CALN1: variants seen among roughly 807,000 people sequenced by gnomAD.
CALN1 encodes calneuron 1, also known as calcium-binding protein 8.
In CALN1, 17 loss-of-function variants were observed where a neutral mutation model predicts 30.6. That is an observed-to-expected ratio of 0.56 (90% CI 0.38 to 0.83). The LOEUF is 0.83. CALN1 is among the 40% of genes least tolerant of loss of function. CALN1 has a pLI of 0.00. For missense variants in CALN1, 291 were observed against 354.9 expected (o/e 0.82, Z 1.45); for synonymous variants, 156 against 131.4 (o/e 1.19, Z -1.28).
At chr7:71,843,354 C>T (rs1337621384) in intron 5 of CALN1, among the ~76,000 whole-genome samples, 2 of 152,090 alleles carry the variant, frequency 1.3e-5, no homozygotes, top group Non-Finnish European at 2.9e-5. Context: ...CATGGGAGCT[C>T]ATGCCTGTAA....
intron 3 of CALN1, among the ~76,000 whole-genome samples, chr7:72,108,533 T>C (rs1045275074): frequency 2.0e-5 from 3 of 152,218 alleles, no homozygotes; most frequent in East Asian, 1.9e-4. Flanking sequence ...TAATCTGCCA[T>C]GTTGACTTCT....
At chr7:71,918,642 C>A (rs185072519) in intron 5 of CALN1, among the ~76,000 whole-genome samples, 8 of 152,222 alleles carry the variant, frequency 5.3e-5, no homozygotes, top group African/African-American at 1.9e-4. Context: ...AAGCAAAGAC[C>A]CCCTTCATCT....
chr7:71,880,493 T>C (rs936753048), intron 5 of CALN1, among the ~76,000 whole-genome samples: 5 of 152,170 alleles, frequency 3.3e-5, no homozygotes, highest in Non-Finnish European at 4.4e-5. Flanking sequence ...TTGCCTTTTC[T>C]TTCCCCCTTC....
At chr7:72,338,523 G>C (rs890963255) in intron 2 of CALN1, among the ~76,000 whole-genome samples, 14 of 146,196 alleles carry the variant, frequency 9.6e-5, no homozygotes, top group African/African-American at 2.9e-4. Context: ...GTGTGTGTGT[G>C]TGTGTCTCAC....
chr7:71,850,985 G>T (rs1156648801), intron 5 of CALN1, among the ~76,000 whole-genome samples: 3 of 152,078 alleles, frequency 2.0e-5, no homozygotes, highest in African/African-American at 7.2e-5. Flanking sequence ...GACTAAGGTG[G>T]GAGGATTGCT....
chr7:72,418,183 GTTTC>G (rs1807484771), intron 1 of CALN1, among the ~76,000 whole-genome samples: 2 of 150,156 alleles, frequency 1.3e-5, no homozygotes, highest in Non-Finnish European at 2.9e-5. Flanking sequence ...TGTACCCAAT[GTTTC>G]TTTCCCACTT....
chr7:72,492,081 C>T, the CALN1 span, among the ~76,000 whole-genome samples: 1 of 152,158 alleles, frequency 6.6e-6, no homozygotes. Context: ...GATCAGGCAC[C>T]TAGGCTAGGC....
intron 3 of CALN1, among the ~76,000 whole-genome samples, chr7:72,267,962 G>A (rs138022610): frequency 0.032 from 4,848 of 152,204 alleles, 245 homozygotes; most frequent in African/African-American, 0.11. Context: ...AGCTATGATC[G>A]TGCCACTGCA....
At chr7:71,878,134 A>G (rs945490481) in intron 5 of CALN1, among the ~76,000 whole-genome samples, 2 of 152,226 alleles carry the variant, frequency 1.3e-5, no homozygotes, top group African/African-American at 2.4e-5. Context: ...AAACCAGTAG[A>G]CTAGACTAGA....
chr7:71,801,180 A>G (rs1478499781), intron 6 of CALN1, among the ~76,000 whole-genome samples: 2 of 152,070 alleles, frequency 1.3e-5, no homozygotes, highest in African/African-American at 4.8e-5. Flanking sequence ...TCCATGGTGT[A>G]TATGTACCAC....
chr7:72,109,134 G>T (rs1357902271), intron 3 of CALN1, among the ~76,000 whole-genome samples: 2 of 152,162 alleles, frequency 1.3e-5, no homozygotes, highest in African/African-American at 4.8e-5. Context: ...GGGATGATGA[G>T]TCTGAATGGG....
chr7:71,830,709 G>A (rs973520769), intron 5 of CALN1, among the ~76,000 whole-genome samples: 4 of 152,298 alleles, frequency 2.6e-5, no homozygotes, highest in Middle Eastern at 3.4e-3. Context: ...TTCTTACTCA[G>A]ATACCATCAC....
At position 72,249,647 on chromosome 7, in the gene CALN1, C is replaced by A. The variant is rs1341723654; in HGVS notation, c.244+29039G>T. On this transcript the variant is annotated intron_variant, in intron 3 of 6. Coordinates refer to ENST00000395275, the MANE Select transcript of CALN1 (RefSeq NM_031468.4). ...CAAAACCCTGTCTCTACAAAAAATA[C>A]AAAAATTAGCTGGGTGTGGTGGCAG... 2.0e-5 allele frequency among the ~76,000 whole-genome samples: 3 copies of A among 152,220 alleles called. No individual in the cohort carries two copies. In the East Asian group the frequency reaches 5.8e-4, roughly 29 times the overall value.
chr7:72,318,237 T>G (rs981306609), intron 2 of CALN1, among the ~76,000 whole-genome samples: 1 of 152,172 alleles, frequency 6.6e-6, no homozygotes, highest in African/African-American at 2.4e-5. Context: ...ACACCTTGAT[T>G]TTACGTTATT....
intron 2 of CALN1, among the ~76,000 whole-genome samples, chr7:72,303,776 G>A (rs1057025323): frequency 6.6e-6 from 1 of 151,918 alleles, no homozygotes; most frequent in African/African-American, 2.4e-5. Flanking sequence ...TTGGGAGGCC[G>A]AGGCAGGAGG....
intron 5 of CALN1, among the ~76,000 whole-genome samples, chr7:71,958,432 G>A (rs923228977): frequency 2.0e-5 from 3 of 152,114 alleles, no homozygotes; most frequent in African/African-American, 7.2e-5. Flanking sequence ...AGACAACTCA[G>A]GGAGGCCCCT....
intron 2 of CALN1, among the ~76,000 whole-genome samples, chr7:72,372,348 C>T (rs549813155): frequency 1.1e-4 from 17 of 151,994 alleles, no homozygotes; most frequent in Non-Finnish European, 1.9e-4. Flanking sequence ...GTGTTTCTGC[C>T]CTCTGTCTGC....
chr7:72,501,370 T>TAAAAAAAAAAAAAAAAAAAAAAAAA, the CALN1 span, among the ~76,000 whole-genome samples: 1 of 42,810 alleles, frequency 2.3e-5, no homozygotes, highest in Non-Finnish European at 3.9e-5. Context: ...ACGTCTCTAT[T>TAAAAAAAAAAAAAAAAAAAAAAAAA]AAAAAAAAAA....
intron 5 of CALN1, among the ~76,000 whole-genome samples, chr7:71,965,311 G>T (rs537141375): frequency 1.3e-5 from 2 of 152,282 alleles, no homozygotes; most frequent in South Asian, 4.1e-4. Flanking sequence ...GATGACAGGT[G>T]TGAGCCACCA....
Sources: allele counts gnomAD v4.1 joint callset (sites outside exome capture counted in the v4.1 genomes callset), GRCh38; gene constraint gnomAD v4.1.1; transcripts MANE v1.5; gene names NCBI Gene and HGNC (gene_info 2026-07-23, HGNC 2026-07-21).